CYRIA: variants seen among roughly 807,000 people sequenced by gnomAD.
CYRIA encodes the protein CYFIP-related Rac1 interactor A.
A neutral mutation model predicts 43.9 loss-of-function variants in CYRIA; 15 were observed. The observed-to-expected ratio is 0.34, with a 90% CI of 0.23 to 0.53. The LOEUF (loss-of-function observed/expected upper bound fraction) is 0.53, where lower values mean the gene tolerates loss of function less well. CYRIA is among the 20% of genes least tolerant of loss of function. The pLI, the probability that CYRIA is intolerant of heterozygous loss-of-function variation, is 0.94. For missense variants in CYRIA, 236 were observed against 394.2 expected, an observed-to-expected ratio of 0.60 and a Z score of 3.40; for synonymous variants, 117 against 136.0, an observed-to-expected ratio of 0.86 and a Z score of 0.97.
chr2:16,557,609 A>T (rs7581277), intron 10 of CYRIA, among the ~76,000 whole-genome samples: 68 of 152,302 alleles, frequency 4.5e-4, no homozygotes, highest in African/African-American at 1.6e-3. Context: ...TCTTAGAGGT[A>T]CACGCAAACA....
At chr2:16,554,792 G>A (rs1404441967) in intron 11 of CYRIA, among the ~76,000 whole-genome samples, 2 of 152,196 alleles carry the variant, frequency 1.3e-5, no homozygotes, top group African/African-American at 4.8e-5. Context: ...TCAGGTCCAT[G>A]ACCCGTGGGG....
At chr2:16,576,419 G>GT (rs1558409585) in intron 3 of CYRIA, among the ~76,000 whole-genome samples, 1 of 152,140 alleles carries the variant, frequency 6.6e-6, no homozygotes. Flanking sequence ...CAGGAACAAC[G>GT]TAAGTGGAAG....
Position 16,550,123 on chromosome 2 carries a change from A to C in CYRIA, c.*2813T>G, listed in dbSNP as rs1197462999. 6.6e-6 allele frequency: 1 copy of C among 151,946 alleles called. No homozygotes were observed. Among genetic ancestry groups the C allele is most frequent in the Non-Finnish European group, 1.5e-5 (1 of 67,968 alleles). The allele number at this position is 151,946 out of a possible 1,614,324, so 9.4% of individuals were successfully genotyped here. ...ATAATTTTTACCTCGTTGCTTTCCC[A>C]AAAATAAATATCTCAGTCATGGAAA... On this transcript the variant is annotated 3_prime_UTR_variant, in exon 12 of 12. Coordinates refer to ENST00000381323, the MANE Select transcript of CYRIA (RefSeq NM_030797.4).
chr2:16,608,229 C>T, intron 2 of CYRIA, among the ~76,000 whole-genome samples: 1 of 152,188 alleles, frequency 6.6e-6, no homozygotes, highest in East Asian at 1.9e-4. Flanking sequence ...GCAGAGAAAA[C>T]AGTCATTGGT....
intron 1 of CYRIA, among the ~76,000 whole-genome samples, chr2:16,631,150 T>A (rs912839502): frequency 1.3e-5 from 2 of 152,260 alleles, no homozygotes; most frequent in African/African-American, 2.4e-5. Flanking sequence ...AGCAAGCCTC[T>A]TTGGACTACT....
chr2:16,603,659 C>T (rs1558421961), intron 2 of CYRIA, among the ~76,000 whole-genome samples: 1 of 152,208 alleles, frequency 6.6e-6, no homozygotes, highest in South Asian at 2.1e-4. Flanking sequence ...CAGTGCCTAT[C>T]GCAGCAAACC....
At chr2:16,620,153 C>T (rs959504914) in intron 2 of CYRIA, among the ~76,000 whole-genome samples, 2 of 152,188 alleles carry the variant, frequency 1.3e-5, no homozygotes, top group Non-Finnish European at 2.9e-5. Context: ...CAGATATTAC[C>T]TGTTTAATGA....
intron 1 of CYRIA, among the ~76,000 whole-genome samples, chr2:16,635,158 G>A (rs574158543): frequency 4.6e-5 from 7 of 152,328 alleles, no homozygotes; most frequent in African/African-American, 1.7e-4. Context: ...TGTCACAACT[G>A]AGGTAGATGT....
At chr2:16,603,730 C>T (rs7425164) in intron 2 of CYRIA, among the ~76,000 whole-genome samples, 40,652 of 152,086 alleles carry the variant, frequency 0.27, 6,772 homozygotes, top group Non-Finnish European at 0.36. Flanking sequence ...GCTTTTACAC[C>T]ACCTTGTATT....
At chr2:16,654,484 G>C (rs1652883679) in intron 1 of CYRIA, among the ~76,000 whole-genome samples, 1 of 152,098 alleles carries the variant, frequency 6.6e-6, no homozygotes, top group Admixed American at 6.5e-5. Context: ...CAGGAAAAAG[G>C]ATTTTATTTT....
intron 4 of CYRIA, among the ~76,000 whole-genome samples, chr2:16,565,280 T>G (rs1215763933): frequency 6.6e-6 from 1 of 151,928 alleles, no homozygotes; most frequent in African/African-American, 2.4e-5. Context: ...CTTCCCAGGT[T>G]CAAGTGATTC....
chr2:16,604,455 C>T (rs760202636), intron 2 of CYRIA, among the ~76,000 whole-genome samples: 1 of 152,184 alleles, frequency 6.6e-6, no homozygotes, highest in Non-Finnish European at 1.5e-5. Flanking sequence ...GGGGCCCAGC[C>T]CTGACATGTC....
intron 1 of CYRIA, among the ~76,000 whole-genome samples, chr2:16,643,105 T>C (rs1344085285): frequency 6.6e-6 from 1 of 151,504 alleles, no homozygotes; most frequent in Non-Finnish European, 1.5e-5. Flanking sequence ...TAATAAAATA[T>C]TATTATTGTT....
chr2:16,577,127 T>C (rs1667379932), intron 3 of CYRIA, among the ~76,000 whole-genome samples: 1 of 152,148 alleles, frequency 6.6e-6, no homozygotes, highest in African/African-American at 2.4e-5. Flanking sequence ...TACTGTATTA[T>C]ACACTTAAAA....
intron 3 of CYRIA, among the ~76,000 whole-genome samples, chr2:16,586,360 A>T (rs1667728308): frequency 6.6e-6 from 1 of 152,118 alleles, no homozygotes; most frequent in Non-Finnish European, 1.5e-5. Context: ...AAATTAATAA[A>T]CCATTCTTTG....
intron 10 of CYRIA, among the ~76,000 whole-genome samples, chr2:16,558,225 A>G (rs1266643534): frequency 6.6e-6 from 1 of 152,174 alleles, no homozygotes; most frequent in African/African-American, 2.4e-5. Context: ...TTTCACATAA[A>G]TATTTATTTT....
chr2:16,616,465 C>T (rs1668796744), intron 2 of CYRIA, among the ~76,000 whole-genome samples: 1 of 152,190 alleles, frequency 6.6e-6, no homozygotes, highest in Non-Finnish European at 1.5e-5. Flanking sequence ...CCAGGCCTCT[C>T]ACTCCCTCTG....
intron 1 of CYRIA, among the ~76,000 whole-genome samples, chr2:16,644,464 G>A (rs947952084): frequency 6.6e-6 from 1 of 152,106 alleles, no homozygotes; most frequent in African/African-American, 2.4e-5. Flanking sequence ...TTTCTCCTCT[G>A]GACAGTCCTT....
intron 1 of CYRIA, among the ~76,000 whole-genome samples, chr2:16,664,384 G>A (rs1359735321): frequency 3.9e-5 from 6 of 152,130 alleles, no homozygotes; most frequent in African/African-American, 1.4e-4. Flanking sequence ...ATGAAAGACA[G>A]GACAACGGAC....
Sources: gnomAD v4.1 joint callset for allele counts (sites outside exome capture counted in the v4.1 genomes callset) on GRCh38, gnomAD v4.1.1 for gene constraint, MANE v1.5 for transcripts, NCBI Gene and HGNC (gene_info 2026-07-23, HGNC 2026-07-21) for gene names.